Variants in PTGFR observed in about 807,000 individuals in gnomAD.
The protein encoded by PTGFR is prostaglandin F receptor.
Under a neutral mutation model 26.2 loss-of-function variants are expected in PTGFR, and 15 were observed. That is an observed-to-expected ratio of 0.57 (90% CI 0.38 to 0.88). PTGFR has a LOEUF of 0.88. PTGFR is among the 40% of genes least tolerant of loss of function. The pLI is 0.00. For missense variants in PTGFR, 369 were observed against 427.2 expected (o/e 0.86, Z 1.20); for synonymous variants, 165 against 151.1 (o/e 1.09, Z -0.68).
intron 2 of PTGFR, among the ~76,000 whole-genome samples, chr1:78,510,814 A>C (rs1464929496): frequency 6.6e-6 from 1 of 152,144 alleles, no homozygotes; most frequent in Non-Finnish European, 1.5e-5. Flanking sequence ...TGTGACAGCA[A>C]AGAAAAGATA....
intron 2 of PTGFR, among the ~76,000 whole-genome samples, chr1:78,531,566 C>A (rs1650506975): frequency 1.3e-5 from 2 of 152,108 alleles, no homozygotes; most frequent in African/African-American, 2.4e-5. Context: ...TTGGGCAGAC[C>A]AGAAGTTAAA....
At chr1:78,536,081 T>C (rs1022678290) in intron 2 of PTGFR, among the ~76,000 whole-genome samples, 1 of 152,186 alleles carries the variant, frequency 6.6e-6, no homozygotes, top group Non-Finnish European at 1.5e-5. Context: ...AAATGTGTGT[T>C]GGCTTTGCAT....
intron 2 of PTGFR, among the ~76,000 whole-genome samples, chr1:78,519,148 T>G (rs1650166019): frequency 6.6e-6 from 1 of 152,128 alleles, no homozygotes; most frequent in Admixed American, 6.6e-5. Flanking sequence ...CAGTGGCTAC[T>G]CCACAATATG....
At chr1:78,524,790 A>C (rs1039591019) in intron 2 of PTGFR, among the ~76,000 whole-genome samples, 11 of 151,902 alleles carry the variant, frequency 7.2e-5, no homozygotes, top group African/African-American at 2.2e-4. Flanking sequence ...CAATTTTTAA[A>C]TTCTTTCCAG....
At chr1:78,496,426 G>A (rs1472465355) in intron 2 of PTGFR, among the ~76,000 whole-genome samples, 1 of 152,108 alleles carries the variant, frequency 6.6e-6, no homozygotes, top group African/African-American at 2.4e-5. Context: ...CAGCTTCCAG[G>A]TCAATGCCCT....
intron 2 of PTGFR, among the ~76,000 whole-genome samples, chr1:78,504,082 G>C (rs1649770631): frequency 2.6e-5 from 4 of 152,220 alleles, no homozygotes; most frequent in Admixed American, 2.0e-4. Context: ...GGAAAGGTGA[G>C]ACCTCCTTTT....
chr1:78,527,909 C>T (rs962072807), intron 2 of PTGFR, among the ~76,000 whole-genome samples: 3 of 152,038 alleles, frequency 2.0e-5, no homozygotes, highest in South Asian at 2.1e-4. Context: ...AAGACAAAAT[C>T]TTTTTCTTGA....
At chr1:78,504,105 G>A (rs991771363) in intron 2 of PTGFR, among the ~76,000 whole-genome samples, 2 of 152,002 alleles carry the variant, frequency 1.3e-5, no homozygotes, top group Non-Finnish European at 2.9e-5. Context: ...TTTCACAGAC[G>A]TCTTCTCCTT....
At chr1:78,494,197 G>A (rs1234729246) in intron 2 of PTGFR, among the ~76,000 whole-genome samples, 1 of 152,170 alleles carries the variant, frequency 6.6e-6, no homozygotes, top group Non-Finnish European at 1.5e-5. Context: ...AGTTTAATTT[G>A]GAAATGAAAG....
chr1:78,497,942 T>C (rs772423051), intron 2 of PTGFR: 4 of 1,581,256 alleles, frequency 2.5e-6, no homozygotes, highest in Non-Finnish European at 2.6e-6. Context: ...ATTTCTTACA[T>C]AGGTGAGTTT....
intron 2 of PTGFR, among the ~76,000 whole-genome samples, chr1:78,511,030 C>A (rs990097672): frequency 2.0e-5 from 3 of 152,202 alleles, no homozygotes; most frequent in Non-Finnish European, 4.4e-5. Context: ...GAAAATTCAT[C>A]CCTTTGGCTT....
chr1:78,506,924 C>G (rs1649839829), intron 2 of PTGFR, among the ~76,000 whole-genome samples: 3 of 152,028 alleles, frequency 2.0e-5, no homozygotes, highest in Admixed American at 2.0e-4. Flanking sequence ...CTATTGTATT[C>G]CTCTGAAGAG....
intron 2 of PTGFR, among the ~76,000 whole-genome samples, chr1:78,511,431 T>G (rs2100371031): frequency 6.6e-6 from 1 of 151,682 alleles, no homozygotes; most frequent in East Asian, 1.9e-4. Flanking sequence ...CCCTCAGGAG[T>G]GGTGGCAGGA....
At chr1:78,523,102 A>T (rs753792309) in intron 2 of PTGFR, among the ~76,000 whole-genome samples, 1 of 152,086 alleles carries the variant, frequency 6.6e-6, no homozygotes, top group Non-Finnish European at 1.5e-5. Context: ...GGTGTACTAT[A>T]ATCTCTTTTT....
chr1:78,500,330 G>A (rs1373557016), intron 2 of PTGFR, among the ~76,000 whole-genome samples: 6 of 152,156 alleles, frequency 3.9e-5, no homozygotes, highest in Admixed American at 2.0e-4. Flanking sequence ...AAAAAAATCC[G>A]ACAGACCTTT....
chr1:78,533,256 A>G (rs555566943), intron 2 of PTGFR, among the ~76,000 whole-genome samples: 3 of 152,356 alleles, frequency 2.0e-5, no homozygotes, highest in South Asian at 4.1e-4. Context: ...TGTTGAGTAA[A>G]TTTTAGCTCC....
At chr1:78,510,295 A>G (rs1220900973) in intron 2 of PTGFR, among the ~76,000 whole-genome samples, 2 of 152,206 alleles carry the variant, frequency 1.3e-5, no homozygotes, top group Non-Finnish European at 2.9e-5. Context: ...TAATTGGCTC[A>G]TGGTTCTGCA....
intron 2 of PTGFR, chr1:78,532,140 G>C (rs1650522834): frequency 8.2e-6 from 3 of 366,698 alleles, no homozygotes; most frequent in Non-Finnish European, 1.6e-5. Flanking sequence ...AAAACAAAAT[G>C]CAATAAGAAA....
chr1:78,529,313 G>GTTTTTT (rs754339245), intron 2 of PTGFR, among the ~76,000 whole-genome samples: 47 of 152,188 alleles, frequency 3.1e-4, no homozygotes, highest in Non-Finnish European at 5.3e-4. Context: ...TACTGGACTA[G>GTTTTTT]TTTTTTCTTT....
Sources: gnomAD v4.1 joint callset for allele counts (sites outside exome capture counted in the v4.1 genomes callset) on GRCh38, gnomAD v4.1.1 for gene constraint, MANE v1.5 for transcripts, NCBI Gene and HGNC (gene_info 2026-07-23, HGNC 2026-07-21) for gene names.